The following SPAG17 variants were observed in gnomAD, a reference collection of about 807,000 sequenced individuals.
The protein encoded by SPAG17 is sperm associated antigen 17, also known as sperm-associated antigen 17.
In SPAG17, 169 loss-of-function variants were observed where a neutral mutation model predicts 273.6. The ratio of observed to expected loss-of-function variants is 0.62; its 90% confidence interval spans 0.55 to 0.70. The LOEUF (loss-of-function observed/expected upper bound fraction) is 0.70, where lower values mean the gene tolerates loss of function less well. SPAG17 is among the 30% of genes least tolerant of loss of function. SPAG17 has a pLI of 0.00. For missense variants in SPAG17, 2,557 were observed against 2,627.8 expected, an observed-to-expected ratio of 0.97 and a Z score of 0.59; for synonymous variants, 825 against 873.2, an observed-to-expected ratio of 0.94 and a Z score of 0.97.
chr1:118,023,565 C>T, intron 27 of SPAG17, 102 bp from the exon 28 acceptor site: 1 of 1,153,128 alleles, frequency 8.7e-7, no homozygotes, highest in Non-Finnish European at 1.2e-6. Flanking sequence ...AAATGATCCA[C>T]AGAAGAAATG....
intron 18 of SPAG17, among the ~76,000 whole-genome samples, chr1:118,064,937 G>T (rs1326810805): frequency 6.6e-6 from 1 of 151,516 alleles, no homozygotes; most frequent in Non-Finnish European, 1.5e-5. Context: ...AGAAGTTAAA[G>T]AACATCAGAA....
At chr1:118,037,330 ATTG>A (rs1048426652) in intron 23 of SPAG17, among the ~76,000 whole-genome samples, 2 of 152,164 alleles carry the variant, frequency 1.3e-5, no homozygotes, top group African/African-American at 4.8e-5. Flanking sequence ...TTAAAACAAA[ATTG>A]TTAAGGCACT....
chr1:118,133,787 T>A (rs1014808247), intron 3 of SPAG17, among the ~76,000 whole-genome samples: 2 of 152,174 alleles, frequency 1.3e-5, no homozygotes, highest in African/African-American at 4.8e-5. Context: ...CTTTTTGTAT[T>A]ATTCACAGCA....
intron 19 of SPAG17, among the ~76,000 whole-genome samples, chr1:118,054,908 C>T (rs1019577685): frequency 1.3e-5 from 2 of 151,924 alleles, no homozygotes; most frequent in African/African-American, 2.4e-5. Flanking sequence ...ATAGAGGTTG[C>T]CAAAATTTTG....
chr1:118,060,406 C>T (rs2102023750), intron 18 of SPAG17, among the ~76,000 whole-genome samples: 1 of 152,228 alleles, frequency 6.6e-6, no homozygotes, highest in Admixed American at 6.5e-5. Context: ...CTAAGACTCC[C>T]ATGTAGCTGC....
chr1:118,086,893 C>G lies in SPAG17; in HGVS notation c.1475G>C (p.Cys492Ser). The change falls in exon 11 of 49, where the codon TGT (cysteine) becomes TCT (serine). Residue 492 changes from cysteine to serine, a missense_variant. Cys to Ser is a moderately radical substitution (Grantham distance 112). Coordinates refer to ENST00000336338, the MANE Select transcript of SPAG17 (RefSeq NM_206996.4). ...AHIVSLLPSL[C>S]LSEREKKNLH... ...GACCTTTTTCTCCCTCTCTGAGAGA[C>G]AGAGTGAGGGCAGAAGGGACACAAT... 1 of 1,614,084 alleles carries G rather than the reference C, an allele frequency of 6.2e-7. No homozygotes were observed. The highest frequency in any genetic ancestry group is 8.5e-7 in the Non-Finnish European group (1 of 1,180,002).
chr1:117,971,258 G>A (rs1243925362), intron 45 of SPAG17, among the ~76,000 whole-genome samples: 1 of 152,140 alleles, frequency 6.6e-6, no homozygotes, highest in East Asian at 1.9e-4. Flanking sequence ...ATGGTTTACC[G>A]ATCCAATGGA....
intron 47 of SPAG17, 131 bp downstream of exon 47, chr1:117,966,478 T>C (rs911006634): frequency 1.6e-5 from 15 of 943,400 alleles, no homozygotes; most frequent in Non-Finnish European, 2.3e-5. Context: ...ATGCTCTTTG[T>C]CTTAATAAAT....
At chr1:118,170,785 G>A (rs1212901951) in intron 1 of SPAG17, among the ~76,000 whole-genome samples, 1 of 152,096 alleles carries the variant, frequency 6.6e-6, no homozygotes, top group Non-Finnish European at 1.5e-5. Flanking sequence ...GGAGCTCATT[G>A]CCTCCTTTAT....
In SPAG17 at chr1:117,980,553, C is replaced by A. The variant is rs1424549298; in HGVS notation, c.6004+717G>T. ...GGCCAGGTAAATCTTTTAATTCACA[C>A]TTAAATGTGGCAAAATACTTGCTCT... On this transcript the variant is annotated intron_variant, in intron 43 of 48. Transcript: ENST00000336338. Among the ~76,000 whole-genome samples, 12 of 152,146 alleles carry A rather than the reference C, an allele frequency of 7.9e-5. No individual in the cohort carries two copies. In the East Asian group the frequency reaches 2.1e-3, roughly 27 times the overall value.
chr1:118,002,854 T>C (rs1305739870), intron 32 of SPAG17, among the ~76,000 whole-genome samples: 1 of 152,244 alleles, frequency 6.6e-6, no homozygotes, highest in Non-Finnish European at 1.5e-5. Flanking sequence ...ATGTGTGAAT[T>C]TGATCCTGTC....
chr1:118,000,289 T>C (rs1658132039), intron 32 of SPAG17, among the ~76,000 whole-genome samples: 1 of 152,232 alleles, frequency 6.6e-6, no homozygotes, highest in South Asian at 2.1e-4. Context: ...TTGCTTAGGA[T>C]TGTCTTGGCA....
intron 43 of SPAG17, among the ~76,000 whole-genome samples, chr1:117,975,864 A>AGTC (rs1307567582): frequency 6.6e-6 from 1 of 152,212 alleles, no homozygotes; most frequent in African/African-American, 2.4e-5. Flanking sequence ...TGCATGTATC[A>AGTC]GTCTAATAAG....
intron 4 of SPAG17, among the ~76,000 whole-genome samples, chr1:118,107,130 C>T (rs1656448574): frequency 6.6e-6 from 1 of 152,182 alleles, no homozygotes; most frequent in Non-Finnish European, 1.5e-5. Flanking sequence ...TAAATTAATA[C>T]AGAGTTTGTC....
At chr1:117,980,894 A>T (rs1379341253) in intron 43 of SPAG17, among the ~76,000 whole-genome samples, 1 of 152,238 alleles carries the variant, frequency 6.6e-6, no homozygotes, top group Non-Finnish European at 1.5e-5. Context: ...GTACTGAGAT[A>T]ACAGGTAAAT....
intron 3 of SPAG17, among the ~76,000 whole-genome samples, chr1:118,119,789 G>A (rs912639683): frequency 2.0e-5 from 3 of 152,038 alleles, no homozygotes; most frequent in Admixed American, 1.3e-4. Flanking sequence ...GAGTATAATC[G>A]TTCTTTACCA....
At chr1:118,086,153 A>G (rs1202241461) in intron 12 of SPAG17, 81 bp from the exon 13 acceptor site, 2 of 1,257,584 alleles carry the variant, frequency 1.6e-6, no homozygotes, top group African/African-American at 3.1e-5. Flanking sequence ...GCTAAACATG[A>G]TACCTTCACC....
intron 3 of SPAG17, among the ~76,000 whole-genome samples, chr1:118,144,351 CA>C (rs1226029188): frequency 6.6e-6 from 1 of 152,194 alleles, no homozygotes; most frequent in Non-Finnish European, 1.5e-5. Flanking sequence ...CCCATCTTGA[CA>C]AAAGTCATTC....
At chr1:118,178,766 G>A (rs1325570867) in intron 1 of SPAG17, among the ~76,000 whole-genome samples, 2 of 151,450 alleles carry the variant, frequency 1.3e-5, no homozygotes, top group Non-Finnish European at 2.9e-5. Flanking sequence ...CAGTAAAGTT[G>A]CAGGATACAA....
Sources: allele counts gnomAD v4.1 joint callset (sites outside exome capture counted in the v4.1 genomes callset), GRCh38; gene constraint gnomAD v4.1.1; transcripts MANE v1.5; gene names NCBI Gene and HGNC (gene_info 2026-07-23, HGNC 2026-07-21).